The following NDUFV2 variants were observed in gnomAD, a reference collection of about 807,000 sequenced individuals.
The protein encoded by NDUFV2 is NADH:ubiquinone oxidoreductase core subunit V2.
A neutral mutation model predicts 31.6 loss-of-function variants in NDUFV2; 18 were observed. That is an observed-to-expected ratio of 0.57 (90% confidence interval 0.39 to 0.84). The LOEUF is 0.84. Among genes scored for constraint, NDUFV2 ranks in the 40% least tolerant of loss-of-function variants. The pLI is 0.00. For synonymous variants in NDUFV2, 83 were observed against 99.8 expected (o/e 0.83, Z 1.01); for missense variants, 314 against 303.6 (o/e 1.03, Z -0.26).
chr18:9,103,362 A>G, intron 1 of NDUFV2: 1 of 381,050 alleles, frequency 2.6e-6, no homozygotes, highest in Non-Finnish European at 4.6e-6. Flanking sequence ...GCCGCAAATA[A>G]CAGCACCCAA....
Position 9,105,395 on chromosome 18 carries a change from T to G in NDUFV2, c.54+2598T>G, listed in dbSNP as rs184558981. Among the ~76,000 whole-genome samples the G allele has an allele frequency of 5.7e-4, 87 of 152,342 alleles. No homozygotes were observed. The Middle Eastern group carries it at 0.017, about 30-fold the overall frequency. On this transcript the variant is annotated intron_variant, in intron 1 of 7. Coordinates refer to ENST00000318388, the MANE Select transcript of NDUFV2 (RefSeq NM_021074.5). ...ATCTCTTTGAGCCTCATTTTTCTTT[T>G]CTGTAAACTGAGATAATACCTCATA... is the stretch of plus-strand genomic sequence containing the variant.
chr18:9,124,801 C>CTT (rs35039643), intron 5 of NDUFV2, 73 bp from the exon 6 acceptor site: 140 of 1,218,390 alleles, frequency 1.1e-4, no homozygotes, highest in South Asian at 1.9e-4. Context: ...TATAAAAATT[C>CTT]TTTTTTTTTT....
intron 1 of NDUFV2, among the ~76,000 whole-genome samples, chr18:9,108,442 G>C (rs565044775): frequency 2.0e-5 from 3 of 152,126 alleles, no homozygotes; most frequent in Non-Finnish European, 4.4e-5. Context: ...TGTGAGCTAG[G>C]GAAAGTTTTT....
At chr18:9,111,754 A>G (rs1023688254) in intron 1 of NDUFV2, among the ~76,000 whole-genome samples, 3 of 151,852 alleles carry the variant, frequency 2.0e-5, no homozygotes, top group Non-Finnish European at 4.4e-5. Context: ...AATGCTCTCA[A>G]GAACCCTATG....
In NDUFV2 at chr18:9,122,605, C is replaced by T. The variant is rs370934998; in HGVS notation, c.393C>T (p.His131=). ...ATCGAAAGCCAGTTGGAAAGTATCACATTCAGGTCTGCACTACTACACCCT... is the reference window on the plus strand; with the variant it reads ...ATCGAAAGCCAGTTGGAAAGTATCATATTCAGGTCTGCACTACTACACCCT... ...MYNRKPVGKY[H]IQVCTTTPCM... Residue 131 remains histidine (H), a synonymous_variant, in exon 5 of 8, where the codon CAC becomes CAT. Coordinates refer to ENST00000318388, the MANE Select transcript of NDUFV2 (RefSeq NM_021074.5). 2 of 1,613,912 alleles carry T rather than the reference C, an allele frequency of 1.2e-6. No homozygotes were observed. The highest frequency in any genetic ancestry group is 2.7e-5 in the African/African-American group (2 of 74,930).
intron 6 of NDUFV2, among the ~76,000 whole-genome samples, chr18:9,125,548 TTTTG>T (rs929172136): frequency 6.6e-6 from 1 of 151,932 alleles, no homozygotes; most frequent in African/African-American, 2.4e-5. Flanking sequence ...TCTGTTTTTT[TTTTG>T]TTTTTCATTT....
intron 7 of NDUFV2, among the ~76,000 whole-genome samples, 199 bp from the exon 8 acceptor site, chr18:9,133,987 T>G (rs2078062810): frequency 6.6e-6 from 1 of 152,210 alleles, no homozygotes; most frequent in South Asian, 2.1e-4. Context: ...ATGTTTATGG[T>G]GAAGTCTGAT....
chr18:9,109,285 G>C (rs2144730789), intron 1 of NDUFV2, among the ~76,000 whole-genome samples: 1 of 152,346 alleles, frequency 6.6e-6, no homozygotes, highest in South Asian at 2.1e-4. Flanking sequence ...CCTTGCCTTA[G>C]TTGGCCTCTA....
chr18:9,103,319 TAAACG>T (rs2077824561), intron 1 of NDUFV2: 2 of 395,832 alleles, frequency 5.1e-6, no homozygotes, highest in Non-Finnish European at 8.9e-6. Context: ...GCTGGCTAAA[TAAACG>T]GTATCAAACT....
At chr18:9,120,504 A>G (rs1046680865) in intron 4 of NDUFV2, among the ~76,000 whole-genome samples, 2 of 152,204 alleles carry the variant, frequency 1.3e-5, no homozygotes, top group Admixed American at 6.5e-5. Flanking sequence ...GTTGTACTTC[A>G]TTCTTACCAC....
intron 5 of NDUFV2, 124 bp downstream of exon 5, chr18:9,122,805 T>C: frequency 1.1e-6 from 1 of 918,740 alleles, no homozygotes; most frequent in Non-Finnish European, 1.7e-6. Context: ...CCTAGTAATA[T>C]TTTGTGTTAC....
At chr18:9,126,597 CAATA>C in intron 6 of NDUFV2, 1 of 481,478 alleles carries the variant, frequency 2.1e-6, no homozygotes, top group Non-Finnish European at 3.8e-6. Flanking sequence ...CTGAGACAGA[CAATA>C]AAATCACTGG....
intron 1 of NDUFV2, among the ~76,000 whole-genome samples, chr18:9,104,768 C>T (rs2077833174): frequency 6.7e-6 from 1 of 149,124 alleles, no homozygotes; most frequent in Non-Finnish European, 1.5e-5. Context: ...GCACTATGTA[C>T]ACAATAAATA....
rs766963556 is a variant in NDUFV2, at chr18:9,104,267, C to T, written c.54+1470C>T. On this transcript the variant is annotated intron_variant, in intron 1 of 7. Transcript: ENST00000318388. ...AATGAAATAAGGGAGAGACAGGGGC[C>T]AGATATTGGAGCTCCTGGCGTGCCA... The T allele has an allele frequency of 3.7e-6, 6 of 1,612,440 alleles. No individual in the cohort carries two copies. In the South Asian group the frequency reaches 6.6e-5, roughly 18 times the overall value.
rs766684678 is a variant in NDUFV2 at position 9,126,915 on chromosome 18, T to A, written c.656+8T>A. The A allele has an allele frequency of 1.9e-6, 3 of 1,610,416 alleles. No individual in the cohort carries two copies. The South Asian group carries it at 3.3e-5, about 18-fold the overall frequency. On this transcript the variant is annotated splice_region_variant and intron_variant, in intron 7 of 7. Transcript: ENST00000318388. ...CCCAAAACCAGGGCCAAGGTATGCT[T>A]TATTTATATATAGGAAGTTTTAGTG...
intron 5 of NDUFV2, among the ~76,000 whole-genome samples, chr18:9,123,118 T>C (rs2077954045): frequency 6.6e-6 from 1 of 152,236 alleles, no homozygotes; most frequent in Non-Finnish European, 1.5e-5. Context: ...GAAACAGATG[T>C]TATTACAGTA....
intron 4 of NDUFV2, among the ~76,000 whole-genome samples, chr18:9,121,902 T>C (rs2077939122): frequency 6.6e-6 from 1 of 152,204 alleles, no homozygotes; most frequent in South Asian, 2.1e-4. Context: ...TGATATGAAA[T>C]AGAAGTAGTG....
chr18:9,110,330 A>G (rs1272666282), intron 1 of NDUFV2, among the ~76,000 whole-genome samples: 1 of 152,138 alleles, frequency 6.6e-6, no homozygotes, highest in Non-Finnish European at 1.5e-5. Flanking sequence ...AGACATTACA[A>G]TGAATGTAAA....
intron 7 of NDUFV2, chr18:9,132,191 A>G (rs1275217134): frequency 1.3e-5 from 2 of 152,216 alleles, no homozygotes; most frequent in Non-Finnish European, 2.9e-5. Context: ...ATAAAATTCT[A>G]TAATCCTGTG....
Sources: gnomAD v4.1 joint callset for allele counts (sites outside exome capture counted in the v4.1 genomes callset) on GRCh38, gnomAD v4.1.1 for gene constraint, MANE v1.5 for transcripts, NCBI Gene and HGNC (gene_info 2026-07-23, HGNC 2026-07-21) for gene names.